DNAH9: variants seen among roughly 807,000 people sequenced by gnomAD.
The protein encoded by DNAH9 is DNAH9 variant protein.
Under a neutral mutation model 471.6 loss-of-function variants are expected in DNAH9, and 345 were observed. The ratio of observed to expected loss-of-function variants is 0.73; its 90% CI spans 0.67 to 0.80. DNAH9 has a LOEUF of 0.80. DNAH9 is among the 30% of genes least tolerant of loss of function. The probability of loss-of-function intolerance (pLI) is 0.00; values close to 1 mark genes in which losing one functional copy is unlikely to be tolerated. For synonymous variants in DNAH9, 2,093 were observed against 2,123.6 expected (o/e 0.99, Z 0.40); for missense variants, 5,407 against 5,609.2 (o/e 0.96, Z 1.15).
intron 67 of DNAH9, among the ~76,000 whole-genome samples, chr17:11,945,501 G>T (rs1179605447): frequency 6.7e-6 from 1 of 149,664 alleles, no homozygotes; most frequent in Non-Finnish European, 1.5e-5. Flanking sequence ...CTGTGACACT[G>T]CACTCCAGCC....
intron 48 of DNAH9, among the ~76,000 whole-genome samples, chr17:11,833,350 A>G (rs993755834): frequency 6.6e-6 from 1 of 152,214 alleles, no homozygotes; most frequent in Non-Finnish European, 1.5e-5. Flanking sequence ...CATGAGAACA[A>G]TCAAAGGCTA....
chr17:11,887,582 A>G (rs1160006611), intron 57 of DNAH9, among the ~76,000 whole-genome samples: 1 of 152,236 alleles, frequency 6.6e-6, no homozygotes, highest in Non-Finnish European at 1.5e-5. Flanking sequence ...ATTCACCAAA[A>G]GACCACAATT....
intron 12 of DNAH9, among the ~76,000 whole-genome samples, chr17:11,650,843 T>C (rs900369372): frequency 1.3e-5 from 2 of 152,212 alleles, no homozygotes; most frequent in Admixed American, 6.5e-5. Context: ...TCCTCTTCTT[T>C]ATGATGTATA....
chr17:11,797,916 A>T, intron 43 of DNAH9, 123 bp downstream of exon 43: 1 of 966,306 alleles, frequency 1.0e-6, no homozygotes, highest in Admixed American at 2.8e-5. Flanking sequence ...TCTGCCTTAA[A>T]AGTCAAGATG....
At chr17:11,828,541 C>T (rs1970582411) in intron 48 of DNAH9, among the ~76,000 whole-genome samples, 2 of 151,414 alleles carry the variant, frequency 1.3e-5, no homozygotes, top group Non-Finnish European at 2.9e-5. Context: ...GAATAAATTA[C>T]TGAATGAATA....
intron 62 of DNAH9, 84 bp downstream of exon 62, chr17:11,924,025 G>A: frequency 6.5e-7 from 1 of 1,544,438 alleles, no homozygotes; most frequent in Non-Finnish European, 8.8e-7. Context: ...TCCACTCTTA[G>A]CTTCTCCCCA....
intron 14 of DNAH9, among the ~76,000 whole-genome samples, chr17:11,662,593 G>T (rs1038634914): frequency 2.0e-5 from 3 of 151,740 alleles, no homozygotes; most frequent in Admixed American, 2.0e-4. Flanking sequence ...CTGCTTGTTT[G>T]TATGTCTAGT....
intron 1 of DNAH9, among the ~76,000 whole-genome samples, chr17:11,600,607 A>G (rs2072364612): frequency 6.6e-6 from 1 of 152,240 alleles, no homozygotes; most frequent in African/African-American, 2.4e-5. Context: ...GGCCATCTAT[A>G]CAGTGAAATA....
At chr17:11,948,018 G>C (rs941912681) in intron 67 of DNAH9, among the ~76,000 whole-genome samples, 2 of 151,654 alleles carry the variant, frequency 1.3e-5, no homozygotes, top group African/African-American at 4.8e-5. Context: ...ACCCACCTCG[G>C]CCTCCCAAAG....
In DNAH9 at chr17:11,653,015, C is replaced by T. The variant is rs775808862; in HGVS notation, c.2595+13C>T. ...CGCCCTTGTTCAGGTAATAACCCAGCCACTCAGGCGCACATACTACGAGTT... is the reference window on the plus strand; with the variant it reads ...CGCCCTTGTTCAGGTAATAACCCAGTCACTCAGGCGCACATACTACGAGTT... On this transcript the variant is annotated intron_variant, in intron 14 of 68. Coordinates refer to ENST00000262442, the MANE Select transcript of DNAH9 (RefSeq NM_001372.4). 3.3e-5 allele frequency: 54 copies of T among 1,612,360 alleles called. No homozygotes were observed. Among genetic ancestry groups the T allele is most frequent in the Non-Finnish European group, 4.4e-5 (52 of 1,179,624 alleles).
intron 67 of DNAH9, among the ~76,000 whole-genome samples, chr17:11,950,280 G>T (rs1378484311): frequency 6.6e-6 from 1 of 152,172 alleles, no homozygotes; most frequent in African/African-American, 2.4e-5. Flanking sequence ...TTCATTCTCA[G>T]TGTTAGACTT....
In DNAH9 at chr17:11,768,437, G is replaced by A. The variant is rs774133640; in HGVS notation, c.7171-16G>A. On this transcript the variant is annotated splice_polypyrimidine_tract_variant and intron_variant, in intron 36 of 68. Coordinates refer to ENST00000262442, the MANE Select transcript of DNAH9 (RefSeq NM_001372.4). ...TTCTGGAGGACCTTGTCCCCTGACTGTCTTTGTTTTTGCAGCTTGTGGACT... is the reference window on the plus strand; with the variant it reads ...TTCTGGAGGACCTTGTCCCCTGACTATCTTTGTTTTTGCAGCTTGTGGACT... The A allele has an allele frequency of 3.1e-6, 5 of 1,609,804 alleles. No individual in the cohort carries two copies. In the African/African-American group the frequency reaches 4.0e-5, roughly 13 times the overall value.
chr17:11,751,715 G>A lies in DNAH9; in HGVS notation c.6611-1118G>A, dbSNP rs561958416. Among the ~76,000 whole-genome samples the A allele has an allele frequency of 3.3e-5, 5 of 151,994 alleles. No homozygotes were observed. In the East Asian group the frequency reaches 9.6e-4, roughly 29 times the overall value. On this transcript the variant is annotated intron_variant, in intron 32 of 68. Transcript: ENST00000262442. ...TATTGTCAACATTATTGCTTACTGG[G>A]GTTCTAGAAAATGTAATAGGACAAG...
chr17:11,951,940 T>A (rs948432212), intron 67 of DNAH9, among the ~76,000 whole-genome samples: 3 of 147,820 alleles, frequency 2.0e-5, no homozygotes, highest in Non-Finnish European at 4.5e-5. Flanking sequence ...AAAAAAAAAA[T>A]TAATTAAAAA....
At chr17:11,670,987 G>GCCA (rs760560559) in intron 17 of DNAH9, among the ~76,000 whole-genome samples, 78 of 152,194 alleles carry the variant, frequency 5.1e-4, no homozygotes, top group Non-Finnish European at 1.6e-4. Flanking sequence ...ACAGGTGTGA[G>GCCA]CCACCGTGCC....
At chr17:11,846,238 A>G (rs1432351506) in intron 49 of DNAH9, among the ~76,000 whole-genome samples, 11 of 142,640 alleles carry the variant, frequency 7.7e-5, no homozygotes, top group African/African-American at 1.1e-4. Flanking sequence ...CAGTTTTCCC[A>G]GCACCATTTA....
chr17:11,920,319 G>C (rs1373463407), intron 61 of DNAH9, among the ~76,000 whole-genome samples: 1 of 151,620 alleles, frequency 6.6e-6, no homozygotes, highest in Non-Finnish European at 1.5e-5. Context: ...TATGGTTGGA[G>C]TTAAGCTCTT....
chr17:11,726,826 A>G (rs1280735192), intron 27 of DNAH9, among the ~76,000 whole-genome samples: 1 of 152,070 alleles, frequency 6.6e-6, no homozygotes, highest in African/African-American at 2.4e-5. Flanking sequence ...AGGCGGGTTG[A>G]TTGCAAAGTC....
At chr17:11,753,509 T>C (rs1388276071) in intron 33 of DNAH9, among the ~76,000 whole-genome samples, 2 of 151,998 alleles carry the variant, frequency 1.3e-5, no homozygotes, top group East Asian at 3.9e-4. Context: ...CTATGAAAAA[T>C]ACAAAAAATT....
Sources: allele counts gnomAD v4.1 joint callset (sites outside exome capture counted in the v4.1 genomes callset), GRCh38; gene constraint gnomAD v4.1.1; transcripts MANE v1.5; gene names NCBI Gene and HGNC (gene_info 2026-07-23, HGNC 2026-07-21).